Variants in PUM3 observed in about 807,000 individuals in gnomAD.
The protein encoded by PUM3 is pumilio RNA binding family member 3, also known as pumilio homolog 3.
Under a neutral mutation model 84.0 loss-of-function variants are expected in PUM3, and 91 were observed. The ratio of observed to expected loss-of-function variants is 1.08; its 90% confidence interval spans 0.91 to 1.29. PUM3 has a LOEUF of 1.29. PUM3 is among the 50% of genes most tolerant of loss of function. PUM3 has a pLI of 0.00. For missense variants in PUM3, 1,067 were observed against 767.5 expected (o/e 1.39, Z -4.61); for synonymous variants, 321 against 266.7 (o/e 1.20, Z -1.98).
rs577559420 is a variant in PUM3 at position 2,804,198 on chromosome 9, G to A, written c.*133C>T. 4.2e-4 allele frequency: 328 copies of A among 780,834 alleles called. No homozygotes were observed. The highest frequency in any genetic ancestry group is 2.8e-3 in the Middle Eastern group (7 of 2,488). 48.4% of individuals were successfully genotyped at this position (780,834 alleles called of 1,614,324 possible). On this transcript the variant is annotated 3_prime_UTR_variant, in exon 18 of 18. Coordinates refer to ENST00000397885, the MANE Select transcript of PUM3 (RefSeq NM_014878.5). ...AAAAACAATTTATATAAATAGATTC[G>A]TATACAAAGAAGAAACACATATACA...
intron 13 of PUM3, among the ~76,000 whole-genome samples, chr9:2,816,123 T>G (rs887070705): frequency 6.6e-6 from 1 of 152,070 alleles, no homozygotes; most frequent in African/African-American, 2.4e-5. Context: ...TGCTGAAGAC[T>G]GAGCCTGTGG....
chr9:2,841,040 A>T (rs557688099), intron 1 of PUM3, among the ~76,000 whole-genome samples: 1 of 152,272 alleles, frequency 6.6e-6, no homozygotes, highest in South Asian at 2.1e-4. Context: ...GCTCATACTG[A>T]TGTTTCCAAA....
chr9:2,825,049 T>C (rs144203171), intron 10 of PUM3, among the ~76,000 whole-genome samples: 1 of 152,266 alleles, frequency 6.6e-6, no homozygotes, highest in African/African-American at 2.4e-5. Context: ...TTAAAAACAA[T>C]ACCTGACTTT....
chr9:2,821,312 T>C (rs568194283), intron 12 of PUM3, among the ~76,000 whole-genome samples: 4 of 151,464 alleles, frequency 2.6e-5, no homozygotes, highest in South Asian at 4.2e-4. Context: ...GGCATGGTGG[T>C]GGGCGCCTGT....
rs1432110199 is a variant in PUM3 at position 2,824,700 on chromosome 9, A to C, written c.1134+17T>G. 6.7e-7 allele frequency: 1 copy of C among 1,495,924 alleles called. No homozygotes were observed. The highest frequency in any genetic ancestry group is 1.9e-5 in the Admixed American group (1 of 52,544). The allele number at this position is 1,495,924 out of a possible 1,614,324, so 92.7% of individuals were successfully genotyped here. ...CTGACTTGTACAGTTTAAATGCCCA[A>C]GTGCTGTCACACTTACCTTGGGCGT... On this transcript the variant is annotated intron_variant, in intron 11 of 17. Coordinates refer to ENST00000397885, the MANE Select transcript of PUM3 (RefSeq NM_014878.5).
intron 1 of PUM3, among the ~76,000 whole-genome samples, chr9:2,839,823 G>A (rs1323300780): frequency 2.0e-5 from 3 of 152,108 alleles, no homozygotes; most frequent in Non-Finnish European, 4.4e-5. Flanking sequence ...TGTTTTCTCT[G>A]TATGTTTGTT....
intron 13 of PUM3, among the ~76,000 whole-genome samples, chr9:2,815,957 G>C (rs191964244): frequency 1.3e-5 from 2 of 152,172 alleles, no homozygotes; most frequent in African/African-American, 4.8e-5. Flanking sequence ...ACTGCCTTGC[G>C]CTGAACTCCA....
At chr9:2,830,631 G>A (rs1414673545) in intron 7 of PUM3, among the ~76,000 whole-genome samples, 1 of 152,268 alleles carries the variant, frequency 6.6e-6, no homozygotes, top group South Asian at 2.1e-4. Context: ...CTTCAAAAGT[G>A]CTTATCTGTT....
rs2129907199 is a variant in PUM3 at position 2,844,061 on chromosome 9, A to C, written c.-27T>G. ...CACACTCACCGCACACGTGGGACCG[A>C]GACAGCTCGCGCAGCGGATCCCGAC... On this transcript the variant is annotated 5_prime_UTR_variant, in exon 1 of 18. Coordinates refer to ENST00000397885, the MANE Select transcript of PUM3 (RefSeq NM_014878.5). The C allele has an allele frequency of 6.3e-6, 1 of 158,178 alleles. No homozygotes were observed. Among genetic ancestry groups the C allele is most frequent in the East Asian group, 1.9e-4 (1 of 5,178 alleles). The allele number at this position is 158,178 out of a possible 1,614,324, so 9.8% of individuals were successfully genotyped here. A position where few individuals can be genotyped will look rare whatever the true frequency, so the allele number is the denominator to read the frequency against.
chr9:2,827,430 C>CTATTA (rs1815852856), intron 9 of PUM3, among the ~76,000 whole-genome samples: 1 of 152,158 alleles, frequency 6.6e-6, no homozygotes, highest in Admixed American at 6.5e-5. Flanking sequence ...ATGCTCTGCT[C>CTATTA]TATTAAATAA....
chr9:2,830,035 A>G (rs1815933538), intron 7 of PUM3, 87 bp from the exon 8 acceptor site: 1 of 1,176,660 alleles, frequency 8.5e-7, no homozygotes, highest in Non-Finnish European at 1.2e-6. Context: ...CCCAAGACCA[A>G]CTCATCAATC....
chr9:2,837,863 T>C (rs1040492420), intron 2 of PUM3, among the ~76,000 whole-genome samples: 3 of 152,186 alleles, frequency 2.0e-5, no homozygotes, highest in African/African-American at 7.2e-5. Context: ...AATGTTAATT[T>C]TAAAATTTTC....
intron 4 of PUM3, 44 bp from the exon 5 acceptor site, chr9:2,833,476 T>C (rs1816039531): frequency 8.8e-7 from 1 of 1,139,764 alleles, no homozygotes; most frequent in East Asian, 2.4e-5. Flanking sequence ...AATAAAGAAG[T>C]TATTTTAAAC....
chr9:2,838,361 TTAC>T (rs1816183610), intron 2 of PUM3, 62 bp downstream of exon 2: 3 of 1,065,602 alleles, frequency 2.8e-6, no homozygotes, highest in Admixed American at 3.4e-5. Flanking sequence ...AGATTGAAAT[TTAC>T]TACATGCCCT....
chr9:2,834,697 A>G (rs1255456581), intron 3 of PUM3, among the ~76,000 whole-genome samples: 1 of 152,188 alleles, frequency 6.6e-6, no homozygotes, highest in Non-Finnish European at 1.5e-5. Flanking sequence ...TGAGCTCTCT[A>G]TCTGAGGCCA....
At chr9:2,814,499 C>T (rs1049396879) in intron 13 of PUM3, among the ~76,000 whole-genome samples, 2 of 152,180 alleles carry the variant, frequency 1.3e-5, no homozygotes, top group Non-Finnish European at 2.9e-5. Context: ...GCATGAGCCA[C>T]CACACCAGGC....
chr9:2,815,260 AT>A (rs1821448130), intron 13 of PUM3, among the ~76,000 whole-genome samples: 1 of 152,204 alleles, frequency 6.6e-6, no homozygotes, highest in South Asian at 2.1e-4. Context: ...AGCAAAAAAA[AT>A]GTAGTATCAT....
At chr9:2,815,849 T>A (rs921606906) in intron 13 of PUM3, among the ~76,000 whole-genome samples, 1 of 152,228 alleles carries the variant, frequency 6.6e-6, no homozygotes, top group African/African-American at 2.4e-5. Context: ...GGCCCATTTA[T>A]TGTAATTTCT....
chr9:2,843,993 C>G (rs10968528), intron 1 of PUM3, 52 bp downstream of exon 1: 2 of 154,232 alleles, frequency 1.3e-5, no homozygotes, highest in South Asian at 2.1e-4. Context: ...TTCCAGCGCC[C>G]GGCAGGGTGC....
Sources: gnomAD v4.1 joint callset for allele counts (sites outside exome capture counted in the v4.1 genomes callset) on GRCh38, gnomAD v4.1.1 for gene constraint, MANE v1.5 for transcripts, NCBI Gene and HGNC (gene_info 2026-07-23, HGNC 2026-07-21) for gene names.